Variants in PKNOX2 observed in about 807,000 individuals in gnomAD.
PKNOX2 encodes PBX/knotted 1 homeobox 2.
PKNOX2 carries 14 observed loss-of-function variants against 53.1 expected under a neutral mutation model. That is an observed-to-expected ratio of 0.26 (90% confidence interval 0.17 to 0.41). PKNOX2 has a LOEUF of 0.41. PKNOX2 is among the 10% of genes least tolerant of loss of function. The probability of loss-of-function intolerance (pLI) is 1.00; values close to 1 mark genes in which losing one functional copy is unlikely to be tolerated. For synonymous variants in PKNOX2, 257 were observed against 242.8 expected (o/e 1.06, Z -0.54); for missense variants, 496 against 602.8 (o/e 0.82, Z 1.85).
intron 1 of PKNOX2, among the ~76,000 whole-genome samples, chr11:125,233,526 C>T (rs1479424627): frequency 2.6e-5 from 4 of 152,206 alleles, no homozygotes; most frequent in Non-Finnish European, 5.9e-5. Flanking sequence ...ACAGGCTGGG[C>T]ACTCTGCTAG....
chr11:125,369,477 T>A (rs944348250), intron 5 of PKNOX2, among the ~76,000 whole-genome samples: 1 of 152,306 alleles, frequency 6.6e-6, no homozygotes, highest in Admixed American at 6.5e-5. Flanking sequence ...TATTCCTATG[T>A]GGGGGGCTGT....
intron 2 of PKNOX2, among the ~76,000 whole-genome samples, chr11:125,318,098 T>C (rs974455618): frequency 1.3e-5 from 2 of 152,008 alleles, no homozygotes; most frequent in Admixed American, 1.3e-4. Flanking sequence ...TCTGCTATCT[T>C]CCAACTTTTA....
chr11:125,254,247 G>A (rs1454751145), intron 2 of PKNOX2, among the ~76,000 whole-genome samples: 1 of 152,216 alleles, frequency 6.6e-6, no homozygotes, highest in Non-Finnish European at 1.5e-5. Flanking sequence ...AAACTCACCA[G>A]TGGCTTCCAT....
chr11:125,243,281 C>A (rs934245461), intron 2 of PKNOX2, among the ~76,000 whole-genome samples: 6 of 152,164 alleles, frequency 3.9e-5, no homozygotes, highest in African/African-American at 1.4e-4. Context: ...ACAGTGGGAG[C>A]TTTCAGGGCC....
chr11:125,229,974 T>G (rs1483346066), intron 1 of PKNOX2, among the ~76,000 whole-genome samples: 1 of 152,212 alleles, frequency 6.6e-6, no homozygotes, highest in East Asian at 1.9e-4. Flanking sequence ...GGGATAAATA[T>G]TAAGGTTAAC....
chr11:125,412,491 G>T (rs1955620268), intron 10 of PKNOX2, among the ~76,000 whole-genome samples: 1 of 152,224 alleles, frequency 6.6e-6, no homozygotes, highest in Admixed American at 6.5e-5. Flanking sequence ...TGTGAAGGTT[G>T]CTATGTGTTT....
chr11:125,237,837 T>TC (rs1942842856), intron 2 of PKNOX2, among the ~76,000 whole-genome samples: 1 of 152,154 alleles, frequency 6.6e-6, no homozygotes, highest in Non-Finnish European at 1.5e-5. Flanking sequence ...GAGCCAGGAC[T>TC]CCACAAGCCT....
intron 2 of PKNOX2, among the ~76,000 whole-genome samples, chr11:125,318,690 T>C (rs1949349587): frequency 6.6e-6 from 1 of 152,192 alleles, no homozygotes; most frequent in Non-Finnish European, 1.5e-5. Flanking sequence ...GGCCTAACTT[T>C]TGCCCTATCT....
chr11:125,311,320 C>A (rs537391000), intron 2 of PKNOX2, among the ~76,000 whole-genome samples: 1 of 152,138 alleles, frequency 6.6e-6, no homozygotes, highest in Non-Finnish European at 1.5e-5. Context: ...AATCCAACCC[C>A]ACCAATATTT....
chr11:125,178,908 TA>T (rs558195511), intron 1 of PKNOX2, among the ~76,000 whole-genome samples: 37 of 152,110 alleles, frequency 2.4e-4, no homozygotes, highest in Non-Finnish European at 4.0e-4. Context: ...GTTGGTACAG[TA>T]ATTCTCAACT....
intron 1 of PKNOX2, among the ~76,000 whole-genome samples, chr11:125,172,832 C>T (rs755355523): frequency 6.6e-6 from 1 of 152,194 alleles, no homozygotes; most frequent in Non-Finnish European, 1.5e-5. Context: ...GTCTTAAGGA[C>T]AGTGGGGGCC....
chr11:125,414,688 C>G lies in PKNOX2; in HGVS notation c.936+2823C>G, dbSNP rs146411881. Among the ~76,000 whole-genome samples the G allele has an allele frequency of 5.3e-3, 799 of 151,422 alleles. 7 individuals carry two copies. Among genetic ancestry groups the G allele is most frequent in the African/African-American group, 0.019 (769 of 41,230 alleles). On this transcript the variant is annotated intron_variant, in intron 10 of 12. Transcript: ENST00000298282. ...AGACAGGATTTGAAGCCAGACAGAT[C>G]GAGGCATGAATTGAGGCTCTCCCAC...
chr11:125,253,722 T>C (rs1037175649), intron 2 of PKNOX2, among the ~76,000 whole-genome samples: 3 of 152,150 alleles, frequency 2.0e-5, no homozygotes, highest in African/African-American at 7.2e-5. Flanking sequence ...TGGCACCTAG[T>C]AGGCTTTCTA....
chr11:125,380,005 TG>T (rs1555167108), intron 5 of PKNOX2, among the ~76,000 whole-genome samples: 1 of 24,822 alleles, frequency 4.0e-5, no homozygotes, highest in Non-Finnish European at 7.7e-5. Context: ...GGGTAGGGGG[TG>T]GAGGGTGGGA....
intron 6 of PKNOX2, among the ~76,000 whole-genome samples, chr11:125,387,600 C>G (rs78626231): frequency 7.0e-4 from 106 of 152,330 alleles, no homozygotes; most frequent in African/African-American, 2.5e-3. Flanking sequence ...TCTAACAGAA[C>G]TTGGTTGAGT....
intron 2 of PKNOX2, chr11:125,288,026 G>A (rs572691085): frequency 3.1e-4 from 47 of 152,386 alleles, no homozygotes; most frequent in African/African-American, 1.1e-3. Flanking sequence ...GGATTAATGG[G>A]AACCAGATGG....
intron 6 of PKNOX2, among the ~76,000 whole-genome samples, chr11:125,397,587 G>A (rs1168375543): frequency 6.6e-6 from 1 of 152,220 alleles, no homozygotes; most frequent in East Asian, 1.9e-4. Flanking sequence ...CCATCGCTAA[G>A]GCCAATGCTG....
intron 2 of PKNOX2, among the ~76,000 whole-genome samples, chr11:125,316,127 G>A (rs537847381): frequency 1.3e-5 from 2 of 152,272 alleles, no homozygotes; most frequent in East Asian, 1.9e-4. Flanking sequence ...GATGGTGTGC[G>A]AAGGACGCAT....
At chr11:125,376,780 A>G (rs1435210976) in intron 5 of PKNOX2, among the ~76,000 whole-genome samples, 4 of 151,162 alleles carry the variant, frequency 2.6e-5, no homozygotes, top group Admixed American at 2.6e-4. Flanking sequence ...GAGAGAGAAA[A>G]TGTGGTCACC....
Sources: gnomAD v4.1 joint callset for allele counts (sites outside exome capture counted in the v4.1 genomes callset) on GRCh38, gnomAD v4.1.1 for gene constraint, MANE v1.5 for transcripts, NCBI Gene and HGNC (gene_info 2026-07-23, HGNC 2026-07-21) for gene names.